The following PARD3B variants were observed in gnomAD, a reference collection of about 807,000 sequenced individuals.
PARD3B encodes the protein par-3 family cell polarity regulator beta, also known as partitioning defective 3 homolog B.
Under a neutral mutation model 130.2 loss-of-function variants are expected in PARD3B, and 103 were observed. The observed-to-expected ratio is 0.79, with a 90% confidence interval of 0.67 to 0.93. PARD3B has a LOEUF of 0.93. PARD3B is among the 40% of genes least tolerant of loss of function. PARD3B has a pLI of 0.00. For missense variants in PARD3B, 1,609 were observed against 1,499.2 expected (o/e 1.07, Z -1.21); for synonymous variants, 583 against 553.2 (o/e 1.05, Z -0.76).
chr2:204,660,523 A>G (rs1486953582), intron 1 of PARD3B, among the ~76,000 whole-genome samples: 3 of 152,162 alleles, frequency 2.0e-5, no homozygotes, highest in African/African-American at 7.2e-5. Flanking sequence ...TTGCTAATAT[A>G]CTGTTCTGTC....
At chr2:205,179,646 G>A (rs1451779707) in intron 13 of PARD3B, among the ~76,000 whole-genome samples, 1 of 152,166 alleles carries the variant, frequency 6.6e-6, no homozygotes, top group African/African-American at 2.4e-5. Flanking sequence ...TTCTAGGTTT[G>A]AGTAAGTACA....
At chr2:204,737,967 G>A (rs6730420) in intron 2 of PARD3B, among the ~76,000 whole-genome samples, 150,498 of 152,320 alleles carry the variant, frequency 0.99, 74,385 homozygotes, top group Middle Eastern at 1. Context: ...TTTGGTAACT[G>A]TAGTCTTGTA....
intron 3 of PARD3B, among the ~76,000 whole-genome samples, chr2:204,996,942 C>T (rs1694262397): frequency 6.6e-6 from 1 of 152,032 alleles, no homozygotes; most frequent in Non-Finnish European, 1.5e-5. Flanking sequence ...CTTCGGCTCG[C>T]ACATGGTGCG....
In PARD3B at chr2:204,775,579, G is replaced by A. The variant is rs557408505; in HGVS notation, c.222+89297G>A. Among the ~76,000 whole-genome samples, 25 of 152,232 alleles carry A rather than the reference G, an allele frequency of 1.6e-4. No individual in the cohort carries two copies. The South Asian group carries it at 5.0e-3, about 30-fold the overall frequency. ...CTCAAACCCAGGATCTCTACACAAG[G>A]AAACCTCCATGACTTGGCTGAGGTT... On this transcript the variant is annotated intron_variant, in intron 2 of 22. Coordinates refer to ENST00000406610, the MANE Select transcript of PARD3B (RefSeq NM_001302769.2).
intron 18 of PARD3B, among the ~76,000 whole-genome samples, chr2:205,330,939 C>G (rs2043101815): frequency 6.6e-6 from 1 of 152,128 alleles, no homozygotes; most frequent in Non-Finnish European, 1.5e-5. Flanking sequence ...AAACCTAGAC[C>G]AAAGCCAGTG....
rs1432996239 is a variant in PARD3B, at chr2:205,572,403, CA to C, written c.3260+19001del. The stretch of plus-strand genomic sequence containing the variant: ...TGTTTAAAGAAAGAAATGGTTTAAT[CA>C]GATTTGCACTGTAGAGAAAGCCCCT... On this transcript the variant is annotated intron_variant, in intron 22 of 22. Transcript: ENST00000406610. This position sits in a 1 kb window ranked among gnomAD's most constrained non-coding sequence, Gnocchi z 4.2. Among the ~76,000 whole-genome samples, 2 of 152,182 alleles carry C rather than the reference CA, an allele frequency of 1.3e-5. No individual in the cohort carries two copies. Among genetic ancestry groups the C allele is most frequent in the Non-Finnish European group, 2.9e-5 (2 of 68,038 alleles).
chr2:204,871,786 C>G (rs2045638515), intron 2 of PARD3B, among the ~76,000 whole-genome samples: 1 of 152,056 alleles, frequency 6.6e-6, no homozygotes, highest in African/African-American at 2.4e-5. Flanking sequence ...TCATCTGGAG[C>G]TAGATGGAGC....
intron 2 of PARD3B, among the ~76,000 whole-genome samples, chr2:204,692,745 C>A (rs2125257023): frequency 6.6e-6 from 1 of 152,056 alleles, no homozygotes; most frequent in East Asian, 1.9e-4. Flanking sequence ...TGCAGAAGCT[C>A]CTGAAGAACA....
rs188879475 is a variant in PARD3B, at chr2:205,501,618, C to T, written c.3180+1587C>T. ...ACCCAAAACAGAACACCGTGTCCAGCGCATTGAAAAGTGCTCTATCTCAAA... is the reference window on the plus strand; with the variant it reads ...ACCCAAAACAGAACACCGTGTCCAGTGCATTGAAAAGTGCTCTATCTCAAA... On this transcript the variant is annotated intron_variant, in intron 21 of 22. Coordinates refer to ENST00000406610, the MANE Select transcript of PARD3B (RefSeq NM_001302769.2). 3.9e-5 allele frequency among the ~76,000 whole-genome samples: 6 copies of T among 152,280 alleles called. No individual in the cohort carries two copies. The South Asian group carries it at 1.2e-3, about 32-fold the overall frequency.
intron 1 of PARD3B, among the ~76,000 whole-genome samples, chr2:204,553,669 TATATA>T (rs1243774316): frequency 7.3e-5 from 5 of 68,918 alleles, no homozygotes; most frequent in African/African-American, 2.7e-4. Context: ...TATATATATA[TATATA>T]TATATATATA....
intron 20 of PARD3B, among the ~76,000 whole-genome samples, chr2:205,474,791 C>T (rs1015392766): frequency 1.2e-4 from 19 of 152,104 alleles, no homozygotes; most frequent in African/African-American, 3.9e-4. Flanking sequence ...CCATTCCTGA[C>T]AACTTTGAGT....
chr2:204,619,269 T>A lies in PARD3B; in HGVS notation c.121-66912T>A, dbSNP rs185890723. The stretch of plus-strand genomic sequence containing the variant: ...CACTGCATGACCACTGCTGAGCTCA[T>A]GTCTTCAAGCTCTCTGAAAGCTGAG... On this transcript the variant is annotated intron_variant, in intron 1 of 22. Transcript: ENST00000406610. 1.6e-4 allele frequency among the ~76,000 whole-genome samples: 25 copies of A among 152,290 alleles called. No individual in the cohort carries two copies. In the East Asian group the frequency reaches 4.6e-3, roughly 28 times the overall value.
chr2:204,586,165 A>C (rs894624463), intron 1 of PARD3B, among the ~76,000 whole-genome samples: 2 of 152,200 alleles, frequency 1.3e-5, no homozygotes, highest in African/African-American at 4.8e-5. Context: ...TAAAATAAAT[A>C]TGGTACCATA....
chr2:205,487,641 A>G (rs759454), intron 20 of PARD3B, among the ~76,000 whole-genome samples: 134,295 of 152,144 alleles, frequency 0.88, 60,499 homozygotes, highest in Non-Finnish European at 0.97. Context: ...GGGAGAAGAG[A>G]GAACTTCTAT....
At chr2:205,495,663 G>T (rs549907806) in intron 20 of PARD3B, among the ~76,000 whole-genome samples, 1 of 152,238 alleles carries the variant, frequency 6.6e-6, no homozygotes, top group South Asian at 2.1e-4. Context: ...AAATCCTGTA[G>T]GCTAGCCTTC....
intron 1 of PARD3B, among the ~76,000 whole-genome samples, chr2:204,605,629 T>TA (rs1346134214): frequency 6.6e-6 from 1 of 152,122 alleles, no homozygotes; most frequent in Non-Finnish European, 1.5e-5. Context: ...TCATGAACTC[T>TA]AGAGTGAGAC....
intron 1 of PARD3B, among the ~76,000 whole-genome samples, chr2:204,573,686 C>G (rs982553750): frequency 6.6e-6 from 1 of 152,142 alleles, no homozygotes; most frequent in Admixed American, 6.5e-5. Context: ...AGAGTGTCCC[C>G]GATGCCCTTG....
intron 18 of PARD3B, among the ~76,000 whole-genome samples, chr2:205,317,325 T>C (rs1229238400): frequency 6.6e-6 from 1 of 152,212 alleles, no homozygotes; most frequent in Non-Finnish European, 1.5e-5. Flanking sequence ...ATTTGGTCAC[T>C]GATTGAAACT....
At chr2:205,153,428 C>T (rs1253001574) in intron 10 of PARD3B, among the ~76,000 whole-genome samples, 1 of 152,184 alleles carries the variant, frequency 6.6e-6, no homozygotes, top group East Asian at 1.9e-4. Context: ...ATTCCATGCT[C>T]ATGGATAGGA....
Sources: allele counts gnomAD v4.1 joint callset (sites outside exome capture counted in the v4.1 genomes callset), GRCh38; gene constraint gnomAD v4.1.1; non-coding constraint Gnocchi (gnomAD v3.1); transcripts MANE v1.5; gene names NCBI Gene and HGNC (gene_info 2026-07-23, HGNC 2026-07-21).